The following SLC39A11 variants were observed in gnomAD, a reference collection of about 807,000 sequenced individuals.
The protein encoded by SLC39A11 is zinc transporter ZIP11.
A neutral mutation model predicts 36.1 loss-of-function variants in SLC39A11; 33 were observed. The observed-to-expected ratio is 0.91, with a 90% CI of 0.69 to 1.22. The LOEUF is 1.22. Ranked by LOEUF, SLC39A11 falls within the 50% of genes most tolerant of loss-of-function variation. SLC39A11 has a pLI of 0.00. For synonymous variants in SLC39A11, 166 were observed against 170.3 expected, an observed-to-expected ratio of 0.97 and a Z score of 0.20; for missense variants, 432 against 430.3, an observed-to-expected ratio of 1.00 and a Z score of -0.03.
chr17:72,975,601 C>T (rs564214394), intron 4 of SLC39A11, among the ~76,000 whole-genome samples: 2 of 152,288 alleles, frequency 1.3e-5, no homozygotes, highest in Non-Finnish European at 2.9e-5. Flanking sequence ...CCTTGGACTT[C>T]CCAGCCTCCA....
intron 6 of SLC39A11, among the ~76,000 whole-genome samples, chr17:72,768,474 G>A (rs1368182257): frequency 2.0e-5 from 3 of 152,174 alleles, no homozygotes; most frequent in African/African-American, 7.2e-5. Context: ...GCACCAGGCA[G>A]ACTGGAAGAG....
At chr17:72,731,469 C>T (rs1344679498) in intron 7 of SLC39A11, among the ~76,000 whole-genome samples, 2 of 152,032 alleles carry the variant, frequency 1.3e-5, no homozygotes, top group African/African-American at 2.4e-5. Flanking sequence ...TTTTGTAAAA[C>T]TATTATATTA....
Position 72,970,806 on chromosome 17 carries a change from CAAAAG to C in SLC39A11, c.307-22936_307-22932del, listed in dbSNP as rs1171069707. Among the ~76,000 whole-genome samples, 4 of 152,342 alleles carry C rather than the reference CAAAAG, an allele frequency of 2.6e-5. No individual in the cohort carries two copies. The East Asian group carries it at 7.7e-4, about 29-fold the overall frequency. On this transcript the variant is annotated intron_variant, in intron 4 of 9. Coordinates refer to ENST00000255559, the MANE Select transcript of SLC39A11 (RefSeq NM_139177.4). The stretch of plus-strand genomic sequence containing the variant: ...AGGGGATGAGAGGAAGCCTCCCCAC[CAAAAG>C]AAAAGTGGAGAAACAGTGGAAAACT...
At chr17:72,667,604 T>A (rs2070813819) in intron 7 of SLC39A11, among the ~76,000 whole-genome samples, 1 of 152,216 alleles carries the variant, frequency 6.6e-6, no homozygotes, top group Admixed American at 6.5e-5. Context: ...CAGCACCTGC[T>A]GCTTTGCATA....
chr17:72,993,092 C>T (rs865828480), intron 4 of SLC39A11: 10 of 152,182 alleles, frequency 6.6e-5, no homozygotes, highest in African/African-American at 1.7e-4. Context: ...AGGTCCCTCC[C>T]AGGACATGTG....
At chr17:72,852,607 G>T (rs943055258) in intron 5 of SLC39A11, among the ~76,000 whole-genome samples, 6 of 152,218 alleles carry the variant, frequency 3.9e-5, no homozygotes, top group African/African-American at 1.2e-4. Context: ...GTATGTGCGT[G>T]TGGGTGCATA....
At chr17:72,908,413 G>A (rs982177653) in intron 5 of SLC39A11, among the ~76,000 whole-genome samples, 1 of 152,224 alleles carries the variant, frequency 6.6e-6, no homozygotes, top group East Asian at 1.9e-4. Flanking sequence ...CACACACACA[G>A]GGCCAGGCTG....
At chr17:73,031,310 T>C (rs943490558) in intron 4 of SLC39A11, among the ~76,000 whole-genome samples, 17 of 148,738 alleles carry the variant, frequency 1.1e-4, no homozygotes, top group African/African-American at 3.6e-4. Context: ...CTGTACTCTA[T>C]ATTTTTAATG....
chr17:72,759,622 T>C (rs545236746), intron 6 of SLC39A11, among the ~76,000 whole-genome samples: 121 of 152,322 alleles, frequency 7.9e-4, no homozygotes, highest in African/African-American at 2.8e-3. Flanking sequence ...ATAAGCCACA[T>C]GTTTGGCCAT....
At chr17:72,700,628 G>A (rs2072564538) in intron 7 of SLC39A11, among the ~76,000 whole-genome samples, 1 of 152,200 alleles carries the variant, frequency 6.6e-6, no homozygotes. Context: ...CAGAGGTGGG[G>A]CTGTGTATTA....
At chr17:72,935,257 G>C (rs1010913267) in intron 5 of SLC39A11, among the ~76,000 whole-genome samples, 1 of 152,190 alleles carries the variant, frequency 6.6e-6, no homozygotes, top group African/African-American at 2.4e-5. Context: ...GTAGAAAGAA[G>C]TTAGATCCAA....
At chr17:72,810,135 A>G (rs2077389616) in intron 6 of SLC39A11, among the ~76,000 whole-genome samples, 1 of 152,002 alleles carries the variant, frequency 6.6e-6, no homozygotes, top group Non-Finnish European at 1.5e-5. Context: ...TAATAATAAT[A>G]CTTGAATACT....
At chr17:73,024,406 G>A (rs994007617) in intron 4 of SLC39A11, among the ~76,000 whole-genome samples, 27 of 151,010 alleles carry the variant, frequency 1.8e-4, no homozygotes, top group Non-Finnish European at 1.8e-4. Context: ...CTTACTTGAC[G>A]ATATCAGGCT....
intron 7 of SLC39A11, among the ~76,000 whole-genome samples, chr17:72,668,689 G>A (rs1263455554): frequency 1.3e-5 from 2 of 152,366 alleles, no homozygotes; most frequent in Middle Eastern, 3.4e-3. Flanking sequence ...GGCCAAGAAA[G>A]TGTAATCATG....
intron 5 of SLC39A11, among the ~76,000 whole-genome samples, chr17:72,852,894 G>A (rs185220591): frequency 1.2e-4 from 18 of 152,326 alleles, no homozygotes; most frequent in African/African-American, 4.3e-4. Flanking sequence ...TCCTAGATCA[G>A]TCAGCAAACA....
At chr17:72,916,970 A>C (rs1480230082) in intron 5 of SLC39A11, among the ~76,000 whole-genome samples, 1 of 152,214 alleles carries the variant, frequency 6.6e-6, no homozygotes, top group Non-Finnish European at 1.5e-5. Flanking sequence ...TTTGCAAATT[A>C]AAAGGAAGTT....
chr17:72,959,033 T>C (rs765498147), intron 4 of SLC39A11, among the ~76,000 whole-genome samples: 2 of 151,956 alleles, frequency 1.3e-5, no homozygotes, highest in Non-Finnish European at 2.9e-5. Context: ...TTTGCATAGA[T>C]GTGGTGATCA....
At chr17:73,055,785 C>T (rs755367628) in intron 3 of SLC39A11, among the ~76,000 whole-genome samples, 1 of 152,036 alleles carries the variant, frequency 6.6e-6, no homozygotes, top group Non-Finnish European at 1.5e-5. Flanking sequence ...AGCAGCTGAG[C>T]GTCAGTCAAT....
intron 5 of SLC39A11, among the ~76,000 whole-genome samples, chr17:72,940,812 C>A (rs146312660): frequency 1.3e-5 from 2 of 152,128 alleles, no homozygotes; most frequent in African/African-American, 2.4e-5. Context: ...AATTGTTCAG[C>A]GCAACTATGG....
Sources: allele counts gnomAD v4.1 joint callset (sites outside exome capture counted in the v4.1 genomes callset), GRCh38; gene constraint gnomAD v4.1.1; transcripts MANE v1.5; gene names NCBI Gene and HGNC (gene_info 2026-07-23, HGNC 2026-07-21).